Variants in SAMD12 observed in about 807,000 individuals in gnomAD.
SAMD12 encodes sterile alpha motif domain-containing protein 12.
SAMD12 carries 9 observed loss-of-function variants against 15.0 expected under a neutral mutation model. The ratio of observed to expected loss-of-function variants is 0.60; its 90% CI spans 0.36 to 1.05. SAMD12 has a LOEUF of 1.05. SAMD12 is among the 50% of genes least tolerant of loss of function. The pLI is 0.01. For missense variants in SAMD12, 230 were observed against 234.2 expected (o/e 0.98, Z 0.12); for synonymous variants, 86 against 90.1 (o/e 0.96, Z 0.25).
chr8:118,605,582 A>G (rs186716157), intron 1 of SAMD12, among the ~76,000 whole-genome samples: 8 of 152,168 alleles, frequency 5.3e-5, no homozygotes, highest in Admixed American at 5.2e-4. Context: ...CCTTAGAAAA[A>G]TTATTTAATC....
chr8:118,229,695 T>A (rs1348758589), intron 4 of SAMD12, among the ~76,000 whole-genome samples: 3 of 152,236 alleles, frequency 2.0e-5, no homozygotes, highest in Admixed American at 2.0e-4. Context: ...ACTAAGCATG[T>A]CAGGATGAAA....
At chr8:118,277,818 T>C (rs1338368846) in intron 4 of SAMD12, among the ~76,000 whole-genome samples, 1 of 152,196 alleles carries the variant, frequency 6.6e-6, no homozygotes, top group African/African-American at 2.4e-5. Flanking sequence ...TCTAATTCCA[T>C]AGTCACTGCC....
chr8:118,285,876 C>T lies in SAMD12; in HGVS notation c.434-88144G>A, dbSNP rs111738109. 1.0e-3 allele frequency among the ~76,000 whole-genome samples: 158 copies of T among 152,154 alleles called. 1 individual carries two copies. The highest frequency in any genetic ancestry group is 3.7e-3 in the African/African-American group (155 of 41,498). ...AGAACCTTTGATACTTAGAGAAAGA[C>T]CAAAGAGTTGGCTGGCTATCTAAGT... On this transcript the variant is annotated intron_variant, in intron 4 of 4. Coordinates refer to the SAMD12 transcript ENST00000409003.
At chr8:118,531,936 T>C (rs900380476) in intron 2 of SAMD12, among the ~76,000 whole-genome samples, 2 of 152,226 alleles carry the variant, frequency 1.3e-5, no homozygotes, top group Non-Finnish European at 2.9e-5. Flanking sequence ...TCCTGCCTGA[T>C]TGCCCTGGCC....
intron 4 of SAMD12, among the ~76,000 whole-genome samples, chr8:118,318,878 T>C (rs1404850222): frequency 6.6e-6 from 1 of 152,108 alleles, no homozygotes. Flanking sequence ...CCTGAAGCTG[T>C]GGCTAGCTAA....
chr8:118,360,800 A>G (rs1244779828), intron 4 of SAMD12, among the ~76,000 whole-genome samples: 1 of 152,140 alleles, frequency 6.6e-6, no homozygotes, highest in East Asian at 1.9e-4. Context: ...CTTTAATTGC[A>G]TTTGTTTTTT....
chr8:118,573,977 G>A lies in SAMD12; in HGVS notation c.192+6738C>T, dbSNP rs190580786. ...CTGTGGAGAGACAGAAAACAAACAA[G>A]ATGATTTCAGACCAGAAAAAGTTAT... On this transcript the variant is annotated intron_variant, in intron 2 of 3. Transcript: ENST00000314727. 2.6e-5 allele frequency among the ~76,000 whole-genome samples: 4 copies of A among 152,280 alleles called. No homozygotes were observed. The East Asian group carries it at 7.7e-4, about 29-fold the overall frequency.
At chr8:118,208,464 T>C (rs1819929045) in intron 4 of SAMD12, among the ~76,000 whole-genome samples, 1 of 152,216 alleles carries the variant, frequency 6.6e-6, no homozygotes, top group Admixed American at 6.5e-5. Flanking sequence ...ATACCAGTGC[T>C]GCTGGTGTGT....
chr8:118,280,228 G>T (rs1273598592), intron 4 of SAMD12, among the ~76,000 whole-genome samples: 4 of 152,154 alleles, frequency 2.6e-5, no homozygotes, highest in Non-Finnish European at 5.9e-5. Flanking sequence ...ATAGCATAAT[G>T]TCCTTGTTCT....
At chr8:118,356,674 T>A (rs1818243715) in intron 4 of SAMD12, among the ~76,000 whole-genome samples, 1 of 152,144 alleles carries the variant, frequency 6.6e-6, no homozygotes. Flanking sequence ...TTCATACAGG[T>A]CCCTCACTGG....
At chr8:118,151,970 C>T in the SAMD12 span, among the ~76,000 whole-genome samples, 2 of 152,054 alleles carry the variant, frequency 1.3e-5, no homozygotes, top group African/African-American at 4.8e-5. Context: ...GCCACCCCAA[C>T]CTTAAGGCAT....
chr8:118,586,273 G>A (rs150493873), intron 1 of SAMD12, among the ~76,000 whole-genome samples: 24 of 151,502 alleles, frequency 1.6e-4, no homozygotes, highest in Non-Finnish European at 2.1e-4. Flanking sequence ...TTTTTCTACT[G>A]TAAAGCTTTA....
chr8:118,378,626 T>C lies in SAMD12; in HGVS notation c.*791A>G. ...CAGATTTCTCCAATATCGGTATGCATGCAATTACAATATTCTGCAGAATGA... is the reference window on the plus strand; with the variant it reads ...CAGATTTCTCCAATATCGGTATGCACGCAATTACAATATTCTGCAGAATGA... On this transcript the variant is annotated 3_prime_UTR_variant, in exon 4 of 4. Transcript: ENST00000314727. The C allele has an allele frequency of 2.0e-6, 2 of 985,088 alleles. No homozygotes were observed. The highest frequency in any genetic ancestry group is 2.4e-6 in the Non-Finnish European group (2 of 829,618). 61.0% of individuals were successfully genotyped at this position (985,088 alleles called of 1,614,324 possible). A position where few individuals can be genotyped will look rare whatever the true frequency, so the allele number is the denominator to read the frequency against.
At chr8:118,312,137 G>C (rs1333467538) in intron 4 of SAMD12, among the ~76,000 whole-genome samples, 1 of 150,948 alleles carries the variant, frequency 6.6e-6, no homozygotes, top group East Asian at 2.0e-4. Context: ...CTCATATCTG[G>C]ATTATTTTAA....
intron 4 of SAMD12, among the ~76,000 whole-genome samples, chr8:118,217,085 C>G (rs568537320): frequency 6.6e-6 from 1 of 152,138 alleles, no homozygotes; most frequent in Non-Finnish European, 1.5e-5. Context: ...CTCACTGCAA[C>G]TTCTGCCTCC....
chr8:118,560,408 T>A (rs1826669658), intron 2 of SAMD12, among the ~76,000 whole-genome samples: 1 of 152,202 alleles, frequency 6.6e-6, no homozygotes, highest in African/African-American at 2.4e-5. Flanking sequence ...ACGAATGACT[T>A]CCAAGAATAC....
chr8:118,502,009 G>A (rs1173679382), intron 2 of SAMD12, among the ~76,000 whole-genome samples: 2 of 126,952 alleles, frequency 1.6e-5, no homozygotes, highest in Non-Finnish European at 1.5e-5. Context: ...AACAGAGCGA[G>A]ACTCCGTCTC....
At position 118,318,558 on chromosome 8, in the gene SAMD12, A is replaced by G. The variant is rs142191236; in HGVS notation, c.433+61002T>C. 5.0e-3 allele frequency among the ~76,000 whole-genome samples: 755 copies of G among 151,798 alleles called. 3 individuals carry two copies. Among genetic ancestry groups the G allele is most frequent in the Non-Finnish European group, 9.0e-3 (614 of 67,942 alleles). The stretch of plus-strand genomic sequence containing the variant: ...TACAGAATGATATAAAGAACTTTGG[A>G]GACTCAGGATAGTGGGAGGTGGGTG... On this transcript the variant is annotated intron_variant, in intron 4 of 4. Coordinates refer to the SAMD12 transcript ENST00000409003.
intron 1 of SAMD12, among the ~76,000 whole-genome samples, chr8:118,593,121 T>C (rs982975259): frequency 6.6e-6 from 1 of 152,226 alleles, no homozygotes; most frequent in Non-Finnish European, 1.5e-5. Context: ...CAAATGTCTA[T>C]ATATGCATGT....
Sources: allele counts gnomAD v4.1 joint callset (sites outside exome capture counted in the v4.1 genomes callset), GRCh38; gene constraint gnomAD v4.1.1; transcripts MANE v1.5; gene names NCBI Gene and HGNC (gene_info 2026-07-23, HGNC 2026-07-21).